The following TCF20 variants were observed in gnomAD, a reference collection of about 807,000 sequenced individuals.
The protein encoded by TCF20 is transcription factor 20.
Under a neutral mutation model 148.6 loss-of-function variants are expected in TCF20, and 3 were observed. That is an observed-to-expected ratio of 0.02 (90% CI 0.01 to 0.05). The LOEUF (loss-of-function observed/expected upper bound fraction) is 0.05. TCF20 is among the 10% of genes least tolerant of loss of function. The pLI, the probability that TCF20 is intolerant of heterozygous loss-of-function variation, is 1.00. For synonymous variants in TCF20, 1,049 were observed against 909.5 expected, an observed-to-expected ratio of 1.15 and a Z score of -2.76; for missense variants, 2,350 against 2,429.3, an observed-to-expected ratio of 0.97 and a Z score of 0.69.
intron 1 of TCF20, among the ~76,000 whole-genome samples, chr22:42,327,469 G>C (rs1927895139): frequency 6.6e-6 from 1 of 152,190 alleles, no homozygotes; most frequent in Admixed American, 6.5e-5. Flanking sequence ...TGGGCCCAAA[G>C]GGTGAGTGGG....
In TCF20 at chr22:42,211,821, C is replaced by T. The variant is rs771429601; in HGVS notation, c.3485G>A (p.Arg1162His). Reference sequence around the variant, plus strand: ...CAGACCATCACTAGACATTAGGCAGCGCCCAGCCTCCTGGGCACTGGGGTC... The same window carrying T: ...CAGACCATCACTAGACATTAGGCAGTGCCCAGCCTCCTGGGCACTGGGGTC... The part of the protein sequence containing the change: ...YHDPSAQEAG[R>H]CLMSSDGLPN... The change falls in exon 2 of 6, where the codon CGC becomes CAC. Residue 1162 changes from arginine to histidine, a missense_variant. Physicochemically the swap from Arg to His is conservative, Grantham distance 29. Transcript: ENST00000677622. The T allele has an allele frequency of 3.1e-6, 5 of 1,614,062 alleles. No homozygotes were observed. Among genetic ancestry groups the T allele is most frequent in the Admixed American group, 1.7e-5 (1 of 60,016 alleles).
chr22:42,212,024 T>C lies in TCF20; in HGVS notation c.3282A>G (p.Pro1094=), dbSNP rs1211328002. The part of the protein sequence containing the change: ...HYKRQMYQQQ[P]EEYKDWSSGS... ...CGCTGCTCCAGTCTTTATACTCCTC[T>C]GGTTGCTGTTGGTACATCTGTCTCT... The change falls in exon 2 of 6, where the codon CCA becomes CCG. Residue 1094 remains proline, a synonymous_variant. Coordinates refer to ENST00000677622, the MANE Select transcript of TCF20 (RefSeq NM_001378418.1). 2 of 1,614,220 alleles carry C rather than the reference T, an allele frequency of 1.2e-6. No individual in the cohort carries two copies. Among genetic ancestry groups the C allele is most frequent in the Non-Finnish European group, 1.7e-6 (2 of 1,180,026 alleles).
intron 1 of TCF20, among the ~76,000 whole-genome samples, chr22:42,309,024 G>T (rs114887836): frequency 6.6e-6 from 1 of 152,062 alleles, no homozygotes; most frequent in Non-Finnish European, 1.5e-5. Context: ...GGTGCCTGCC[G>T]CCTGGTGCAG....
At chr22:42,337,294 C>T (rs1489971576) in intron 1 of TCF20, among the ~76,000 whole-genome samples, 1 of 152,092 alleles carries the variant, frequency 6.6e-6, no homozygotes, top group African/African-American at 2.4e-5. Context: ...CTGACCTGCC[C>T]AAGCCCATAC....
intron 2 of TCF20, among the ~76,000 whole-genome samples, chr22:42,203,080 A>G (rs1180641998): frequency 5.9e-5 from 9 of 152,204 alleles, no homozygotes; most frequent in Admixed American, 3.9e-4. Flanking sequence ...TTAACATATA[A>G]TAACTTGTGT....
chr22:42,293,572 A>G (rs1021327619), intron 1 of TCF20, among the ~76,000 whole-genome samples: 8 of 152,126 alleles, frequency 5.3e-5, no homozygotes, highest in African/African-American at 1.9e-4. Context: ...TGACTCTGTA[A>G]GGGGGTATCT....
Position 42,215,243 on chromosome 22 carries a change from T to A in TCF20, c.63A>T (p.Val21=). Residue 21 remains valine, a synonymous_variant, in exon 2 of 6, where the codon GTA becomes GTT. Transcript: ENST00000677622. The stretch of plus-strand genomic sequence containing the variant: ...ACTCTTCTAGCCGGGATGAGCCGTG[T>A]ACCTCCTGTGGGTAGCTTTGCTGGT... ...HGNQQSYPQE[V]HGSSRLEEFS... is the part of the protein sequence containing the mutation. 6.2e-7 allele frequency: 1 copy of A among 1,614,242 alleles called. No individual in the cohort carries two copies. Among genetic ancestry groups the A allele is most frequent in the Middle Eastern group, 1.6e-4 (1 of 6,062 alleles).
At chr22:42,240,942 G>T (rs1384683827) in intron 1 of TCF20, among the ~76,000 whole-genome samples, 1 of 151,704 alleles carries the variant, frequency 6.6e-6, no homozygotes, top group African/African-American at 2.4e-5. Context: ...TGCGACCTCC[G>T]CCTCCCGGGT....
intron 1 of TCF20, among the ~76,000 whole-genome samples, chr22:42,305,971 G>T (rs1338796775): frequency 6.6e-6 from 1 of 152,196 alleles, no homozygotes; most frequent in African/African-American, 2.4e-5. Context: ...TCCAGCAAAG[G>T]CTGGCATTGG....
At position 42,210,588 on chromosome 22, in the gene TCF20, C is replaced by T. The variant is rs750921246; in HGVS notation, c.4718G>A (p.Gly1573Glu). The T allele has an allele frequency of 3.7e-6, 6 of 1,614,160 alleles. No individual in the cohort carries two copies. Among genetic ancestry groups the T allele is most frequent in the Non-Finnish European group, 5.1e-6 (6 of 1,180,040 alleles). Residue 1573 changes from glycine to glutamate, a missense_variant, in exon 2 of 6, where the codon GGA becomes GAA. By Grantham distance (98) the Gly-to-Glu change is moderately conservative. Transcript: ENST00000677622. This position sits in a 1 kb window ranked among gnomAD's most constrained non-coding sequence, Gnocchi z 4.7. ...PPQIPEGSAD[G>E]EPKPKKQRQR... Reference sequence around the variant, plus strand: ...CCTCTGTTTTTTTGGCTTTGGCTCTCCATCTGCAGAACCTTCTGGTATCTG... The same window carrying T: ...CCTCTGTTTTTTTGGCTTTGGCTCTTCATCTGCAGAACCTTCTGGTATCTG...
chr22:42,294,297 A>C (rs1191552863), intron 1 of TCF20, among the ~76,000 whole-genome samples: 1 of 152,238 alleles, frequency 6.6e-6, no homozygotes, highest in Non-Finnish European at 1.5e-5. Context: ...ACCCCGCCCT[A>C]GCCCCCTCTC....
chr22:42,316,728 G>A (rs557013222), intron 1 of TCF20, among the ~76,000 whole-genome samples: 5 of 152,294 alleles, frequency 3.3e-5, no homozygotes, highest in Middle Eastern at 3.4e-3. Context: ...GAGCCACTGC[G>A]CCCTGCTGGC....
chr22:42,188,043 C>T (rs1937129430), intron 2 of TCF20, among the ~76,000 whole-genome samples: 1 of 151,930 alleles, frequency 6.6e-6, no homozygotes, highest in Non-Finnish European at 1.5e-5. Context: ...CCTGTAATTC[C>T]AGCACTTTGT....
At chr22:42,323,953 A>ATGGTGG (rs1365223048) in intron 1 of TCF20, among the ~76,000 whole-genome samples, 2 of 21,344 alleles carry the variant, frequency 9.4e-5, no homozygotes, top group Non-Finnish European at 1.9e-4. Flanking sequence ...GATGGAGGTT[A>ATGGTGG]TGGTGGTGGT....
rs756240282 is a variant in TCF20, at chr22:42,210,318, C to T, written c.4988G>A (p.Gly1663Asp). Residue 1663 changes from glycine (G) to aspartate (D), a missense_variant, in exon 2 of 6, where the codon GGC becomes GAC. Gly to Asp is a moderately conservative substitution (Grantham distance 94). Around this residue, in one of 7 missense-constraint regions of TCF20, gnomAD observed 374 missense variants for 398.3 expected, o/e 0.94. Coordinates refer to ENST00000677622, the MANE Select transcript of TCF20 (RefSeq NM_001378418.1). This position sits in a 1 kb window ranked among gnomAD's most constrained non-coding sequence, Gnocchi z 4.7. ...GGTCAGTGACCTCTGACCCTTCCTG[C>T]CCCTCACTAATTTGGTCTGTTCTTC... Reference protein sequence around the residue: ...EEEEQTKLVRGRKGQRSLTPP... With the variant: ...EEEEQTKLVRDRKGQRSLTPP... 5.6e-6 allele frequency: 9 copies of T among 1,614,044 alleles called. No individual in the cohort carries two copies. The highest frequency in any genetic ancestry group is 6.8e-6 in the Non-Finnish European group (8 of 1,180,030).
intron 1 of TCF20, among the ~76,000 whole-genome samples, chr22:42,248,686 C>A (rs1925116674): frequency 6.6e-6 from 1 of 151,978 alleles, no homozygotes; most frequent in South Asian, 2.1e-4. Context: ...TGTTTAAAAC[C>A]ACAACCCCAA....
chr22:42,234,667 C>T (rs996829599), intron 1 of TCF20, among the ~76,000 whole-genome samples: 1 of 151,692 alleles, frequency 6.6e-6, no homozygotes, highest in African/African-American at 2.4e-5. Flanking sequence ...AAGCCCAAAC[C>T]AAAAAATAGT....
At chr22:42,268,038 C>T (rs972035031) in intron 1 of TCF20, among the ~76,000 whole-genome samples, 1 of 151,990 alleles carries the variant, frequency 6.6e-6, no homozygotes, top group Non-Finnish European at 1.5e-5. Flanking sequence ...CCCAGCTACT[C>T]GGGAGGCTGA....
chr22:42,211,839 C>G lies in TCF20; in HGVS notation c.3467G>C (p.Ser1156Thr). ...TAGGCAGCGCCCAGCCTCCTGGGCA[C>G]TGGGGTCATGGTAAGTCCCCACTGG... is the stretch of plus-strand genomic sequence containing the variant. ...GPPVGTYHDPSAQEAGRCLMS... is the reference protein window; with the variant it reads ...GPPVGTYHDPTAQEAGRCLMS... Residue 1156 changes from serine to threonine, a missense_variant, in exon 2 of 6, where the codon AGT becomes ACT. Ser to Thr is a moderately conservative substitution (Grantham distance 58). Around this residue, in one of 7 missense-constraint regions of TCF20, gnomAD observed 1,641 missense variants for 1,662.6 expected, o/e 0.99. Coordinates refer to ENST00000677622, the MANE Select transcript of TCF20 (RefSeq NM_001378418.1). 6.2e-7 allele frequency: 1 copy of G among 1,614,192 alleles called. No individual in the cohort carries two copies. Among genetic ancestry groups the G allele is most frequent in the South Asian group, 1.1e-5 (1 of 91,084 alleles).
Sources: allele counts gnomAD v4.1 joint callset (sites outside exome capture counted in the v4.1 genomes callset), GRCh38; gene constraint gnomAD v4.1.1; regional missense constraint gnomAD v4.1.1; non-coding constraint Gnocchi (gnomAD v3.1); transcripts MANE v1.5; gene names NCBI Gene and HGNC (gene_info 2026-07-23, HGNC 2026-07-21).